Variants in MPP7 observed in about 807,000 individuals in gnomAD.
MPP7 encodes MAGUK p55 scaffold protein 7.
A neutral mutation model predicts 76.5 loss-of-function variants in MPP7; 60 were observed. That is an observed-to-expected ratio of 0.78 (90% CI 0.64 to 0.97). The LOEUF is 0.97. Among genes scored for constraint, MPP7 ranks in the 50% least tolerant of loss-of-function variants. MPP7 has a pLI of 0.00. For missense variants in MPP7, 641 were observed against 694.0 expected, an observed-to-expected ratio of 0.92 and a Z score of 0.86; for synonymous variants, 237 against 244.5, an observed-to-expected ratio of 0.97 and a Z score of 0.29.
chr10:28,312,506 C>T (rs749598987), intron 2 of MPP7, among the ~76,000 whole-genome samples: 3 of 152,190 alleles, frequency 2.0e-5, no homozygotes, highest in Non-Finnish European at 2.9e-5. Context: ...GCTGGCTTCA[C>T]CTCTCAGCAT....
chr10:28,291,728 GA>G (rs1840925914), intron 1 of MPP7, among the ~76,000 whole-genome samples: 1 of 152,150 alleles, frequency 6.6e-6, no homozygotes, highest in Admixed American at 6.5e-5. Flanking sequence ...TTTAATAAAA[GA>G]AAATATATTT....
intron 5 of MPP7, among the ~76,000 whole-genome samples, chr10:28,136,114 C>T (rs1388879890): frequency 6.6e-6 from 1 of 151,622 alleles, no homozygotes; most frequent in Non-Finnish European, 1.5e-5. Context: ...GAATCTAATG[C>T]TTGATGATCT....
At chr10:28,190,689 G>T (rs1194704700) in intron 3 of MPP7, among the ~76,000 whole-genome samples, 3 of 151,876 alleles carry the variant, frequency 2.0e-5, no homozygotes, top group East Asian at 3.9e-4. Flanking sequence ...ACCACTGAAA[G>T]AATACATTCA....
At chr10:28,101,074 CAGTTG>C (rs1409900507) in intron 11 of MPP7, among the ~76,000 whole-genome samples, 2 of 152,088 alleles carry the variant, frequency 1.3e-5, no homozygotes, top group African/African-American at 4.8e-5. Context: ...TATGTTTTCT[CAGTTG>C]AGTCTGTGCA....
chr10:28,130,326 G>A (rs2133675280), intron 6 of MPP7, among the ~76,000 whole-genome samples: 1 of 152,120 alleles, frequency 6.6e-6, no homozygotes, highest in East Asian at 1.9e-4. Flanking sequence ...CTGAGATGGT[G>A]AGTGGTTTGC....
intron 2 of MPP7, chr10:28,202,829 T>C (rs1208717036): frequency 6.7e-6 from 1 of 149,050 alleles, no homozygotes; most frequent in African/African-American, 2.5e-5. Flanking sequence ...TAGTCAACTA[T>C]CAAAAAAAAA....
At chr10:28,221,748 C>T (rs1838515404) in intron 2 of MPP7, among the ~76,000 whole-genome samples, 1 of 152,030 alleles carries the variant, frequency 6.6e-6, no homozygotes, top group Non-Finnish European at 1.5e-5. Flanking sequence ...GTAGTCTGTG[C>T]CTTATCTTAA....
intron 2 of MPP7, among the ~76,000 whole-genome samples, chr10:28,327,408 A>G (rs1391262879): frequency 6.6e-6 from 1 of 152,138 alleles, no homozygotes; most frequent in Non-Finnish European, 1.5e-5. Flanking sequence ...ATTTCTTCTC[A>G]TCTGACCATA....
At chr10:28,322,365 T>C (rs965680329) in intron 2 of MPP7, among the ~76,000 whole-genome samples, 1 of 152,122 alleles carries the variant, frequency 6.6e-6, no homozygotes, top group Non-Finnish European at 1.5e-5. Context: ...ACATTTTTCC[T>C]GCTTTTCTAA....
intron 3 of MPP7, among the ~76,000 whole-genome samples, chr10:28,165,135 C>T (rs1026019327): frequency 4.6e-5 from 7 of 152,162 alleles, no homozygotes; most frequent in African/African-American, 1.7e-4. Flanking sequence ...CATGTGGTGT[C>T]TGGGTAATGG....
At chr10:28,091,404 C>T (rs1322066866) in intron 11 of MPP7, among the ~76,000 whole-genome samples, 2 of 151,758 alleles carry the variant, frequency 1.3e-5, no homozygotes, top group East Asian at 3.9e-4. Context: ...TCCCCTGCCT[C>T]AGCTTCCCGA....
chr10:28,330,871 G>A (rs1028060888), intron 1 of MPP7, among the ~76,000 whole-genome samples: 1 of 152,018 alleles, frequency 6.6e-6, no homozygotes, highest in African/African-American at 2.4e-5. Flanking sequence ...ATGTTGCCCA[G>A]ACTAGTCTCA....
intron 13 of MPP7, among the ~76,000 whole-genome samples, chr10:28,060,866 C>A (rs1485498716): frequency 6.6e-6 from 1 of 152,232 alleles, no homozygotes; most frequent in Non-Finnish European, 1.5e-5. Flanking sequence ...GTGGAATGTA[C>A]AGGTTTCAGC....
At chr10:28,270,532 AGG>A (rs71391026) in intron 1 of MPP7, among the ~76,000 whole-genome samples, 1 of 15,514 alleles carries the variant, frequency 6.4e-5, no homozygotes, top group African/African-American at 2.8e-4. Flanking sequence ...AAAAAAAAAA[AGG>A]GGGGGGGGGA....
upstream of MPP7, among the ~76,000 whole-genome samples, chr10:28,306,285 A>G (rs1841255050): frequency 6.6e-6 from 1 of 152,216 alleles, no homozygotes; most frequent in African/African-American, 2.4e-5. Flanking sequence ...GATCTTTGAA[A>G]TATTTGGCAC....
At chr10:28,305,779 G>A (rs1470748217), upstream of MPP7, 2 of 152,212 alleles carry the variant, frequency 1.3e-5, no homozygotes, top group Non-Finnish European at 1.5e-5. Flanking sequence ...AGCCTGGATG[G>A]CCCCAGAATG....
chr10:28,147,988 TGGGGATTCCAAAAACCCAC>T (rs1443478295), intron 4 of MPP7, among the ~76,000 whole-genome samples: 2 of 152,174 alleles, frequency 1.3e-5, no homozygotes, highest in East Asian at 3.9e-4. Flanking sequence ...CAAAAACCCA[TGGGGATTCCAAAAACCCAC>T]AGTAGCTGTG....
intron 2 of MPP7, among the ~76,000 whole-genome samples, chr10:28,312,261 GGCTACTTTTAGACTCCT>G (rs1395743176): frequency 3.9e-5 from 6 of 152,004 alleles, no homozygotes; most frequent in Non-Finnish European, 8.8e-5. Context: ...CCCCACGATT[GGCTACTTTTAGACTCCT>G]GCTGATTGGT....
intron 1 of MPP7, among the ~76,000 whole-genome samples, chr10:28,293,752 T>C (rs1840976609): frequency 6.6e-6 from 1 of 152,150 alleles, no homozygotes; most frequent in South Asian, 2.1e-4. Context: ...AGGAACTGCA[T>C]CCCATCCTAG....
Sources: gnomAD v4.1 joint callset for allele counts (sites outside exome capture counted in the v4.1 genomes callset) on GRCh38, gnomAD v4.1.1 for gene constraint, MANE v1.5 for transcripts, NCBI Gene and HGNC (gene_info 2026-07-23, HGNC 2026-07-21) for gene names.